The following DOP1A variants were observed in gnomAD, a reference collection of about 807,000 sequenced individuals.
DOP1A encodes DOP1 leucine zipper like protein A, also known as protein DOP1A.
A neutral mutation model predicts 267.6 loss-of-function variants in DOP1A; 90 were observed. The ratio of observed to expected loss-of-function variants is 0.34; its 90% CI spans 0.28 to 0.40. DOP1A has a LOEUF of 0.40. Among genes scored for constraint, DOP1A ranks in the 10% least tolerant of loss-of-function variants. DOP1A has a pLI of 1.00. For missense variants in DOP1A, 2,437 were observed against 2,900.4 expected (o/e 0.84, Z 3.67); for synonymous variants, 932 against 999.1 (o/e 0.93, Z 1.27).
At position 83,100,858 on chromosome 6, in the gene DOP1A, C is replaced by T. The variant is rs141648686; in HGVS notation, c.292C>T (p.Arg98Ter). ...TATCTTCAAAATAATTGGACCTAAG[C>T]GACTTGCCAAAGATCTTTTTTTATA... ...EIIFKIIGPK[R>*]LAKDLFLYSS... Residue 98 changes from arginine (R) to a stop codon, truncating the protein, a stop_gained, in exon 4 of 39, where the codon CGA (arginine) becomes TGA (stop). Coordinates refer to ENST00000349129, the MANE Select transcript of DOP1A (RefSeq NM_015018.4). LOFTEE classifies it high-confidence loss of function. 5.8e-6 allele frequency: 9 copies of T among 1,554,148 alleles called. No homozygotes were observed. Among genetic ancestry groups the T allele is most frequent in the African/African-American group, 2.8e-5 (2 of 72,714 alleles).
intron 23 of DOP1A, among the ~76,000 whole-genome samples, chr6:83,141,452 G>A (rs1365564636): frequency 6.6e-6 from 1 of 152,162 alleles, no homozygotes; most frequent in Non-Finnish European, 1.5e-5. Flanking sequence ...ACCTGGATCA[G>A]GGATCCAAGG....
intron 23 of DOP1A, among the ~76,000 whole-genome samples, chr6:83,141,328 T>C (rs779256398): frequency 1.3e-4 from 20 of 152,210 alleles, no homozygotes; most frequent in African/African-American, 3.4e-4. Flanking sequence ...GGATAACTTA[T>C]TGATTTTTAA....
intron 18 of DOP1A, among the ~76,000 whole-genome samples, chr6:83,132,888 C>T (rs1020342242): frequency 6.6e-6 from 1 of 152,128 alleles, no homozygotes; most frequent in African/African-American, 2.4e-5. Flanking sequence ...ATCATTTTTA[C>T]TAACCTCATC....
intron 28 of DOP1A, 99 bp downstream of exon 28, chr6:83,151,758 T>TG (rs1324568751): frequency 6.8e-5 from 98 of 1,450,364 alleles, no homozygotes; most frequent in Non-Finnish European, 7.6e-5. Context: ...CTTTCAACTC[T>TG]GAACATTCTA....
At chr6:83,124,057 A>G (rs2128223300) in intron 12 of DOP1A, among the ~76,000 whole-genome samples, 1 of 152,256 alleles carries the variant, frequency 6.6e-6, no homozygotes, top group South Asian at 2.1e-4. Context: ...AGCCTATCAG[A>G]ATCAATGCCT....
At chr6:83,152,758 C>T (rs543336313) in intron 30 of DOP1A, among the ~76,000 whole-genome samples, 8 of 151,966 alleles carry the variant, frequency 5.3e-5, no homozygotes, top group South Asian at 4.2e-4. Context: ...GTTGAGACTA[C>T]GGGTGTGTGC....
intron 29 of DOP1A, 104 bp from the exon 30 acceptor site, chr6:83,152,184 C>A: frequency 2.7e-6 from 2 of 727,510 alleles, no homozygotes; most frequent in Non-Finnish European, 2.1e-6. Context: ...TATACATATA[C>A]ATATATATAT....
intron 16 of DOP1A, 82 bp from the exon 17 acceptor site, chr6:83,130,041 G>T (rs1777781374): frequency 6.6e-7 from 1 of 1,521,080 alleles, no homozygotes; most frequent in Admixed American, 2.0e-5. Flanking sequence ...GTATTTAGTG[G>T]CTTTGTTTTT....
At chr6:83,139,591 T>G (rs905071331) in intron 21 of DOP1A, among the ~76,000 whole-genome samples, 4 of 152,206 alleles carry the variant, frequency 2.6e-5, no homozygotes, top group African/African-American at 9.6e-5. Flanking sequence ...GTGACAAAAT[T>G]CGATCTGAGT....
At chr6:83,085,351 C>G (rs1187295876) in intron 1 of DOP1A, among the ~76,000 whole-genome samples, 1 of 152,018 alleles carries the variant, frequency 6.6e-6, no homozygotes, top group Non-Finnish European at 1.5e-5. Flanking sequence ...AGATGATAGA[C>G]AGGAAACAAG....
At chr6:83,092,782 A>G (rs896446915) in intron 1 of DOP1A, among the ~76,000 whole-genome samples, 1 of 152,180 alleles carries the variant, frequency 6.6e-6, no homozygotes, top group Non-Finnish European at 1.5e-5. Flanking sequence ...CAGTCAGTCT[A>G]TAACCCACAC....
At chr6:83,136,834 G>T (rs1439536135) in intron 20 of DOP1A, among the ~76,000 whole-genome samples, 1 of 152,004 alleles carries the variant, frequency 6.6e-6, no homozygotes, top group Non-Finnish European at 1.5e-5. Context: ...CTAGCATTTG[G>T]TATGTACTAC....
At chr6:83,092,465 T>C (rs1770600354) in intron 1 of DOP1A, among the ~76,000 whole-genome samples, 1 of 152,060 alleles carries the variant, frequency 6.6e-6, no homozygotes, top group African/African-American at 2.4e-5. Context: ...TAAGTTCATA[T>C]TTATTGTGAG....
At chr6:83,166,758 A>G in intron 38 of DOP1A, 1 of 1,107,196 alleles carries the variant, frequency 9.0e-7, no homozygotes. Flanking sequence ...AATAAGCTGG[A>G]TTTTGCATCT....
chr6:83,151,127 ATTG>A (rs769172862), intron 27 of DOP1A, among the ~76,000 whole-genome samples: 4 of 152,010 alleles, frequency 2.6e-5, no homozygotes, highest in Admixed American at 6.6e-5. Flanking sequence ...GTAATTTTTC[ATTG>A]TTGTTTAGTA....
intron 38 of DOP1A, among the ~76,000 whole-genome samples, chr6:83,164,421 C>T (rs1784944554): frequency 6.6e-6 from 1 of 151,924 alleles, no homozygotes; most frequent in Non-Finnish European, 1.5e-5. Context: ...TGACCCCAGG[C>T]ACATGTCCTT....
chr6:83,143,921 C>T (rs1780046029), intron 24 of DOP1A, among the ~76,000 whole-genome samples: 1 of 152,112 alleles, frequency 6.6e-6, no homozygotes, highest in South Asian at 2.1e-4. Flanking sequence ...AATTTCAAAA[C>T]ACTGGAGATA....
chr6:83,093,407 T>A (rs1383303217), intron 1 of DOP1A, among the ~76,000 whole-genome samples: 1 of 152,236 alleles, frequency 6.6e-6, no homozygotes, highest in Non-Finnish European at 1.5e-5. Context: ...ATTTTATAAA[T>A]CAATGGATTT....
chr6:83,140,775 T>A (rs547696353), intron 23 of DOP1A, among the ~76,000 whole-genome samples: 14 of 152,334 alleles, frequency 9.2e-5, no homozygotes, highest in Admixed American at 9.2e-4. Context: ...AAAGTTCATA[T>A]AAATGGAATG....
Sources: allele counts gnomAD v4.1 joint callset (sites outside exome capture counted in the v4.1 genomes callset), GRCh38; gene constraint gnomAD v4.1.1; transcripts MANE v1.5; gene names NCBI Gene and HGNC (gene_info 2026-07-23, HGNC 2026-07-21).